CTSL: variants seen among roughly 807,000 people sequenced by gnomAD.
CTSL encodes cathepsin L, also known as procathepsin L.
Under a neutral mutation model 34.7 loss-of-function variants are expected in CTSL, and 23 were observed. The observed-to-expected ratio is 0.66, with a 90% confidence interval of 0.48 to 0.94. The LOEUF is 0.94. Among genes scored for constraint, CTSL ranks in the 40% least tolerant of loss-of-function variants. CTSL has a pLI of 0.00. For synonymous variants in CTSL, 129 were observed against 136.7 expected (o/e 0.94, Z 0.39); for missense variants, 361 against 406.3 (o/e 0.89, Z 0.96).
At chr9:87,727,019 A>G (rs1214767928) in intron 1 of CTSL, among the ~76,000 whole-genome samples, 3 of 151,422 alleles carry the variant, frequency 2.0e-5, no homozygotes, top group African/African-American at 7.3e-5. Context: ...AGCCTGGGCC[A>G]CAGAGCAAGA....
chr9:87,729,572 GGAA>G lies in CTSL; in HGVS notation c.625_627del (p.Glu209del). 6.2e-7 allele frequency: 1 copy of G among 1,612,508 alleles called. No homozygotes were observed. Among genetic ancestry groups the G allele is most frequent in the Non-Finnish European group, 8.5e-7 (1 of 1,179,626 alleles). On this transcript the variant is annotated inframe_deletion and splice_region_variant, in exon 6 of 8. Transcript: ENST00000343150. ...CTTTTTTTTCCCTTTACCTTTGAAAGGAAGAATCCTGTAAGTACAATCCCAAGT... is the reference window on the plus strand; with the variant it reads ...CTTTTTTTTCCCTTTACCTTTGAAAGGAATCCTGTAAGTACAATCCCAAGT...
Position 87,729,627 on chromosome 9 carries a change from G to C in CTSL, c.676G>C (p.Val226Leu), listed in dbSNP as rs758235909. ...KYSVANDTGF[V>L]DIPKQEKALM... ...TTCTGTTGCTAATGACACCGGCTTTGTGGACATCCCTAAGCAGGAGAAGGC... is the reference window on the plus strand; with the variant it reads ...TTCTGTTGCTAATGACACCGGCTTTCTGGACATCCCTAAGCAGGAGAAGGC... Residue 226 changes from valine (V) to leucine (L), a missense_variant, in exon 6 of 8, where the codon GTG becomes CTG. Coordinates refer to ENST00000343150, the MANE Select transcript of CTSL (RefSeq NM_001912.5). 1.2e-6 allele frequency: 2 copies of C among 1,614,168 alleles called. No individual in the cohort carries two copies. The highest frequency in any genetic ancestry group is 1.1e-5 in the South Asian group (1 of 91,082).
rs906196140 is a variant in CTSL at position 87,726,274 on chromosome 9, C to A, written c.-135C>A. On this transcript the variant is annotated 5_prime_UTR_variant, in exon 1 of 8. Transcript: ENST00000343150. The stretch of plus-strand genomic sequence containing the variant: ...AGTAGGTGTGCACCAGCCCTGGCAA[C>A]GAGAGCGTCTACCCCGAACTCTGCT... The A allele has an allele frequency of 6.6e-6, 1 of 152,466 alleles. No homozygotes were observed. Among genetic ancestry groups the A allele is most frequent in the Non-Finnish European group, 1.5e-5 (1 of 68,226 alleles). The allele number at this position is 152,466 out of a possible 1,614,324, so 9.4% of individuals were successfully genotyped here.
chr9:87,728,433 A>G (rs771328780), intron 4 of CTSL, 37 bp downstream of exon 4: 1 of 1,599,552 alleles, frequency 6.3e-7, no homozygotes, highest in East Asian at 2.2e-5. Flanking sequence ...CCATCTTCCC[A>G]GGAAAGCCAA....
At position 87,731,054 on chromosome 9, in the gene CTSL, G is replaced by A. The variant is rs1826240200; in HGVS notation, c.949G>A (p.Asp317Asn). ...GGGTGGCTACGTAAAGATGGCCAAA[G>A]ACCGGAGAAACCATTGTGGAATTGC... ...GMGGYVKMAK[D>N]RRNHCGIASA... Residue 317 changes from aspartate to asparagine, a missense_variant, in exon 8 of 8, where the codon GAC (aspartate) becomes AAC (asparagine). By Grantham distance (23) the Asp-to-Asn change is conservative. Transcript: ENST00000343150. 2 of 1,614,126 alleles carry A rather than the reference G, an allele frequency of 1.2e-6. No individual in the cohort carries two copies.
At chr9:87,730,558 A>G in intron 7 of CTSL, 60 bp downstream of exon 7, 1 of 1,235,338 alleles carries the variant, frequency 8.1e-7, no homozygotes, top group Non-Finnish European at 1.2e-6. Flanking sequence ...ATTTGCAAAC[A>G]GTGTTTGGAT....
At chr9:87,729,886 C>T (rs1826192426) in intron 6 of CTSL, 151 bp downstream of exon 6, 1 of 656,368 alleles carries the variant, frequency 1.5e-6, no homozygotes, top group Non-Finnish European at 2.4e-6. Flanking sequence ...ATATTTATAC[C>T]TGATGTTTCC....
chr9:87,731,208 C>T lies in CTSL; in HGVS notation c.*101C>T, dbSNP rs965731232. On this transcript the variant is annotated 3_prime_UTR_variant, in exon 8 of 8. Coordinates refer to ENST00000343150, the MANE Select transcript of CTSL (RefSeq NM_001912.5). ...GCCCCCGCTGTGTCGGATACACACT[C>T]GAATCATTGAAGATCCGAGTGTGAT... 17 of 729,984 alleles carry T rather than the reference C, an allele frequency of 2.3e-5. No individual in the cohort carries two copies. The highest frequency in any genetic ancestry group is 1.0e-4 in the South Asian group (5 of 48,330). The allele number at this position is 729,984 out of a possible 1,614,324, so 45.2% of individuals were successfully genotyped here.
In CTSL at chr9:87,728,366, G is replaced by A. The variant is rs373216103; in HGVS notation, c.366G>A (p.Glu122=). 3.1e-6 allele frequency: 5 copies of A among 1,614,188 alleles called. No individual in the cohort carries two copies. In the South Asian group the frequency reaches 5.5e-5, roughly 18 times the overall value. ...CCCCCAGATCTGTGGATTGGAGAGA[G>A]AAAGGCTACGTGACTCCTGTGAAGA... ...YEAPRSVDWR[E]KGYVTPVKNQ... is the part of the protein sequence containing the mutation. Residue 122 remains glutamate (E), a synonymous_variant, in exon 4 of 8, where the codon GAG becomes GAA. Transcript: ENST00000343150.
intron 1 of CTSL, among the ~76,000 whole-genome samples, chr9:87,726,694 G>A (rs550502461): frequency 6.6e-6 from 1 of 152,344 alleles, no homozygotes; most frequent in Non-Finnish European, 1.5e-5. Flanking sequence ...GGAGGGAGCA[G>A]TGCGTGCTCT....
chr9:87,729,047 G>GCTGTGGTGGTGTGCGT, intron 5 of CTSL: 1 of 1,153,448 alleles, frequency 8.7e-7, no homozygotes, highest in Non-Finnish European at 1.2e-6. Context: ...AAATTAGCCG[G>GCTGTGGTGGTGTGCGT]CTGTGGTGGT....
In CTSL at chr9:87,731,192, G is replaced by C; in HGVS notation, c.*85G>C. The C allele has an allele frequency of 1.1e-6, 1 of 950,950 alleles. No individual in the cohort carries two copies. Among genetic ancestry groups the C allele is most frequent in the Non-Finnish European group, 1.7e-6 (1 of 606,060 alleles). The allele number at this position is 950,950 out of a possible 1,614,324, so 58.9% of individuals were successfully genotyped here. ...CATCTTCAGTCTACCAGCCCCCGCT[G>C]TGTCGGATACACACTCGAATCATTG... On this transcript the variant is annotated 3_prime_UTR_variant, in exon 8 of 8. Coordinates refer to ENST00000343150, the MANE Select transcript of CTSL (RefSeq NM_001912.5).
Position 87,728,413 on chromosome 9 carries a change from T to C in CTSL, c.396+17T>C, listed in dbSNP as rs373367766. On this transcript the variant is annotated intron_variant, in intron 4 of 7. Coordinates refer to ENST00000343150, the MANE Select transcript of CTSL (RefSeq NM_001912.5). ...AAGAATCAGGTGAGACAGTGTCAGGTTCAGACCTCCCATCTTCCCAGGAAA... is the reference window on the plus strand; with the variant it reads ...AAGAATCAGGTGAGACAGTGTCAGGCTCAGACCTCCCATCTTCCCAGGAAA... 1 of 1,607,216 alleles carries C rather than the reference T, an allele frequency of 6.2e-7. No individual in the cohort carries two copies. The highest frequency in any genetic ancestry group is 8.5e-7 in the Non-Finnish European group (1 of 1,177,802).
chr9:87,730,483 G>A lies in CTSL; in HGVS notation c.887G>A (p.Trp296Ter). ...ESTESDNNKYWLVKNSWGEEW... is the reference protein window; with the variant it reads ...ESTESDNNKY ...ACAGAATCAGATAACAATAAATATTGGCTGGTGAAGAACAGGTATAAATTG... is the reference window on the plus strand; with the variant it reads ...ACAGAATCAGATAACAATAAATATTAGCTGGTGAAGAACAGGTATAAATTG... The change falls in exon 7 of 8, where the codon TGG (tryptophan) becomes TAG (stop). Residue 296 changes from tryptophan (W) to a stop codon, truncating the protein, a stop_gained. Coordinates refer to ENST00000343150, the MANE Select transcript of CTSL (RefSeq NM_001912.5). LOFTEE classifies it low-confidence loss of function (END_TRUNC). 6.2e-7 allele frequency: 1 copy of A among 1,607,912 alleles called. No individual in the cohort carries two copies. The highest frequency in any genetic ancestry group is 8.5e-7 in the Non-Finnish European group (1 of 1,176,680).
chr9:87,731,205 A>G lies in CTSL; in HGVS notation c.*98A>G, dbSNP rs1260563811. 1 of 758,446 alleles carries G rather than the reference A, an allele frequency of 1.3e-6. No individual in the cohort carries two copies. Among genetic ancestry groups the G allele is most frequent in the Non-Finnish European group, 2.2e-6 (1 of 462,040 alleles). The allele number at this position is 758,446 out of a possible 1,614,324, so 47.0% of individuals were successfully genotyped here. A position where few individuals can be genotyped will look rare whatever the true frequency, so the allele number is the denominator to read the frequency against. Reference sequence around the variant, plus strand: ...CCAGCCCCCGCTGTGTCGGATACACACTCGAATCATTGAAGATCCGAGTGT... The same window carrying G: ...CCAGCCCCCGCTGTGTCGGATACACGCTCGAATCATTGAAGATCCGAGTGT... On this transcript the variant is annotated 3_prime_UTR_variant, in exon 8 of 8. Transcript: ENST00000343150.
At position 87,727,643 on chromosome 9, in the gene CTSL, A is replaced by T; in HGVS notation, c.40A>T (p.Ile14Phe). Residue 14 changes from isoleucine (I) to phenylalanine (F), a missense_variant, in exon 2 of 8, where the codon ATT becomes TTT. Physicochemically the swap from Ile to Phe is conservative, Grantham distance 21. Transcript: ENST00000343150. ...CATCCTTGCTGCCTTTTGCCTGGGA[A>T]TTGCCTCAGCTACTCTAACATTTGA... The part of the protein sequence containing the change: ...TLILAAFCLG[I>F]ASATLTFDHS... 1.9e-6 allele frequency: 3 copies of T among 1,614,088 alleles called. No homozygotes were observed. Among genetic ancestry groups the T allele is most frequent in the Admixed American group, 1.7e-5 (1 of 60,004 alleles).
rs541546759 is a variant in CTSL at position 87,729,453 on chromosome 9, A to G, written c.622-120A>G. On this transcript the variant is annotated intron_variant, in intron 5 of 7. Coordinates refer to ENST00000343150, the MANE Select transcript of CTSL (RefSeq NM_001912.5). ...AGCATTTCACTTCCTGGGATGATTT[A>G]TAACAGTGGTGACTTGGAAATACTA... 1.3e-5 allele frequency: 11 copies of G among 823,470 alleles called. No individual in the cohort carries two copies. In the East Asian group the frequency reaches 1.6e-4, roughly 12 times the overall value. The allele number at this position is 823,470 out of a possible 1,614,324, so 51.0% of individuals were successfully genotyped here.
intron 6 of CTSL, 38 bp from the exon 7 acceptor site, chr9:87,730,343 T>C (rs769469542): frequency 2.1e-6 from 3 of 1,447,204 alleles, no homozygotes; most frequent in Non-Finnish European, 2.9e-6. Flanking sequence ...ATGTGTCCTC[T>C]GGAGCTTCTC....
At chr9:87,728,455 C>T in intron 4 of CTSL, 59 bp downstream of exon 4, 2 of 1,584,750 alleles carry the variant, frequency 1.3e-6, no homozygotes, top group Non-Finnish European at 1.7e-6. Context: ...AAGTGATTGA[C>T]ATCTTTGTTT....
Sources: allele counts gnomAD v4.1 joint callset (sites outside exome capture counted in the v4.1 genomes callset), GRCh38; gene constraint gnomAD v4.1.1; transcripts MANE v1.5; gene names NCBI Gene and HGNC (gene_info 2026-07-23, HGNC 2026-07-21).